SLC4A1: variants seen among roughly 807,000 people sequenced by gnomAD.
SLC4A1 encodes the protein solute carrier family 4 member 1 (Diego blood group), also known as band 3 anion transport protein.
A neutral mutation model predicts 93.1 loss-of-function variants in SLC4A1; 29 were observed. The observed-to-expected ratio is 0.31, with a 90% confidence interval of 0.23 to 0.42. The LOEUF is 0.42. SLC4A1 is among the 20% of genes least tolerant of loss of function. The probability of loss-of-function intolerance (pLI) is 1.00; values close to 1 mark genes in which losing one functional copy is unlikely to be tolerated. For missense variants in SLC4A1, 965 were observed against 1,190.1 expected, an observed-to-expected ratio of 0.81 and a Z score of 2.78; for synonymous variants, 469 against 497.2, an observed-to-expected ratio of 0.94 and a Z score of 0.76.
chr17:44,252,687 A>C (rs984496055), intron 17 of SLC4A1, among the ~76,000 whole-genome samples: 2 of 152,186 alleles, frequency 1.3e-5, no homozygotes, highest in Non-Finnish European at 2.9e-5. Context: ...CTATGGCTAG[A>C]GCACCGCCCC....
rs771281363 is a variant in SLC4A1, at chr17:44,260,692, G to A, written c.292C>T (p.His98Tyr). 4 of 1,614,162 alleles carry A rather than the reference G, an allele frequency of 2.5e-6. No individual in the cohort carries two copies. The South Asian group carries it at 4.4e-5, about 18-fold the overall frequency. Residue 98 changes from histidine (H) to tyrosine (Y), a missense_variant, in exon 5 of 20, where the codon CAC becomes TAC. Physicochemically the swap from His to Tyr is moderately conservative, Grantham distance 83 (BLOSUM62 2). This residue lies in a region of SLC4A1 where 195 missense variants were observed against 183.5 expected (regional missense o/e 1.06). Coordinates refer to ENST00000262418, the MANE Select transcript of SLC4A1 (RefSeq NM_000342.4). ...LGENGAWGRP[H>Y]LSHLTFWSLL... ...CTCCAGAAGGTGAGGTGAGAGAGGT[G>A]CGGGCGGCCCCAGGCCCCATTCTCC...
rs2047385206 is a variant in SLC4A1, at chr17:44,255,923, C to T, written c.1627-77G>A. On this transcript the variant is annotated intron_variant, in intron 13 of 19. Transcript: ENST00000262418. The stretch of plus-strand genomic sequence containing the variant: ...GGAAAATACCACCAGCTAACTCTAC[C>T]CAGCACTACTATCCATTCATCCAGT... 9 of 1,309,714 alleles carry T rather than the reference C, an allele frequency of 6.9e-6. No individual in the cohort carries two copies. The South Asian group carries it at 8.3e-5, about 12-fold the overall frequency. The allele number at this position is 1,309,714 out of a possible 1,614,324, so 81.1% of individuals were successfully genotyped here.
chr17:44,264,430 C>G (rs547592423), intron 1 of SLC4A1, among the ~76,000 whole-genome samples: 25 of 152,240 alleles, frequency 1.6e-4, no homozygotes, highest in African/African-American at 6.0e-4. Context: ...TGCACTCCAG[C>G]CTGGGTGACA....
At chr17:44,254,461 A>ACCCACCCCCGCCCCCCC in intron 16 of SLC4A1, 35 bp downstream of exon 16, 1 of 654,148 alleles carries the variant, frequency 1.5e-6, no homozygotes, top group Non-Finnish European at 2.8e-6. Flanking sequence ...CCTGCCTCCC[A>ACCCACCCCCGCCCCCCC]CCCTCCCAGG....
In SLC4A1 at chr17:44,250,363, T is replaced by A; in HGVS notation, c.*95A>T. On this transcript the variant is annotated 3_prime_UTR_variant, in exon 20 of 20. Transcript: ENST00000262418. ...GGCCTCAGCTGCTGCTCCAGGAGGA[T>A]CCTGGAGTCCATGAGGTGCCCATGA... The A allele has an allele frequency of 9.7e-7, 1 of 1,029,352 alleles. No individual in the cohort carries two copies. Among genetic ancestry groups the A allele is most frequent in the Non-Finnish European group, 1.5e-6 (1 of 657,732 alleles). 63.8% of individuals were successfully genotyped at this position (1,029,352 alleles called of 1,614,324 possible). A position where few individuals can be genotyped will look rare whatever the true frequency, so the allele number is the denominator to read the frequency against.
chr17:44,257,824 C>T lies in SLC4A1; in HGVS notation c.1283-17G>A, dbSNP rs1472321250. On this transcript the variant is annotated splice_polypyrimidine_tract_variant and intron_variant, in intron 11 of 19. Coordinates refer to ENST00000262418, the MANE Select transcript of SLC4A1 (RefSeq NM_000342.4). Reference sequence around the variant, plus strand: ...TCTTTTCTCCTGTGGGTAGAGGTCACAGTGGGATCAAGGTCAGGAGATCAT... The same window carrying T: ...TCTTTTCTCCTGTGGGTAGAGGTCATAGTGGGATCAAGGTCAGGAGATCAT... 3 of 1,613,322 alleles carry T rather than the reference C, an allele frequency of 1.9e-6. No homozygotes were observed. The highest frequency in any genetic ancestry group is 1.7e-6 in the Non-Finnish European group (2 of 1,180,010).
intron 12 of SLC4A1, 35 bp downstream of exon 12, chr17:44,257,624 A>G: frequency 6.2e-7 from 1 of 1,613,392 alleles, no homozygotes. Context: ...GGTGCGGGGG[A>G]CATGACAGGG....
chr17:44,262,528 G>T, intron 3 of SLC4A1, 108 bp downstream of exon 3: 4 of 788,692 alleles, frequency 5.1e-6, no homozygotes, highest in Non-Finnish European at 8.5e-6. Context: ...AGAACGGCCC[G>T]TGGTGCTTGG....
chr17:44,263,913 G>A lies in SLC4A1; in HGVS notation c.-68-979C>T, dbSNP rs565996263. 6.2e-4 allele frequency among the ~76,000 whole-genome samples: 94 copies of A among 151,974 alleles called. 1 individual carries two copies. Among genetic ancestry groups the A allele is most frequent in the South Asian group, 5.0e-3 (24 of 4,806 alleles). ...GCCTCCTGAGTAACTGGAATTATAG[G>A]CATGCCACAGTGCCCAGGTAATTAA... On this transcript the variant is annotated intron_variant, in intron 1 of 19. Coordinates refer to ENST00000262418, the MANE Select transcript of SLC4A1 (RefSeq NM_000342.4).
intron 4 of SLC4A1, 143 bp from the exon 5 acceptor site, chr17:44,260,958 T>A: frequency 1.1e-6 from 1 of 936,568 alleles, no homozygotes; most frequent in Non-Finnish European, 1.7e-6. Context: ...CACCACTCCC[T>A]TATCTCCCAA....
Position 44,248,849 on chromosome 17 carries a change from G to GTTTTTT in SLC4A1, c.*1603_*1608dup, listed in dbSNP as rs57466226. The GTTTTTT allele has an allele frequency of 5.9e-3, 421 of 71,770 alleles. 98 individuals are homozygous for GTTTTTT. Among genetic ancestry groups the GTTTTTT allele is most frequent in the Non-Finnish European group, 7.2e-3 (308 of 42,544 alleles). The allele number at this position is 71,770 out of a possible 1,614,324, so 4.4% of individuals were successfully genotyped here. ...GCCCCCAAGGCTGATGTTTCCTTCC[G>GTTTTTT]TTTTTTTTTTTTTTTTTTTTTTTTT... On this transcript the variant is annotated 3_prime_UTR_variant, in exon 20 of 20. Transcript: ENST00000262418.
At chr17:44,253,080 CAGG>C (rs1353411235) in intron 17 of SLC4A1, 35 bp downstream of exon 17, 1 of 1,601,924 alleles carries the variant, frequency 6.2e-7, no homozygotes, top group African/African-American at 1.3e-5. Flanking sequence ...GGGTGAGGGG[CAGG>C]AGGATGGTGA....
rs1425090317 is a variant in SLC4A1, at chr17:44,257,739, A to G, written c.1351T>C (p.Phe451Leu). 6.2e-7 allele frequency: 1 copy of G among 1,613,994 alleles called. No individual in the cohort carries two copies. Among genetic ancestry groups the G allele is most frequent in the Middle Eastern group, 1.7e-4 (1 of 6,060 alleles). Residue 451 changes from phenylalanine (F) to leucine (L), a missense_variant, in exon 12 of 20, where the codon TTC (phenylalanine) becomes CTC (leucine). By Grantham distance (22) the Phe-to-Leu change is conservative. Around this residue, in one of 2 missense-constraint regions of SLC4A1, gnomAD observed 770 missense variants for 1,006.6 expected, o/e 0.76. Transcript: ENST00000262418. ...AGGGGCTGAGCCCCCAGCAGGGCGA[A>G]GAGAATGCCCTGCACTGCAGTGGAG... ...LISTAVQGIL[F>L]ALLGAQPLLV... is the part of the protein sequence containing the mutation.
rs2047413407 is a variant in SLC4A1, at chr17:44,258,693, G to A, written c.877-70C>T. 2.7e-6 allele frequency: 4 copies of A among 1,464,240 alleles called. No homozygotes were observed. In the Admixed American group the frequency reaches 7.9e-5, roughly 29 times the overall value. The allele number at this position is 1,464,240 out of a possible 1,614,324, so 90.7% of individuals were successfully genotyped here. ...GAAAGGACCCAGGAGTCCACAGCCA[G>A]GGCCTCCAGGAACCAGAACCCCCTC... On this transcript the variant is annotated intron_variant, in intron 9 of 19. Transcript: ENST00000262418. The surrounding 1 kb of genome is among the most constrained non-coding windows in gnomAD (Gnocchi z 6.1).
Position 44,262,731 on chromosome 17 carries a change from G to C in SLC4A1, c.16-5C>G, listed in dbSNP as rs755947595. The C allele has an allele frequency of 1.2e-6, 2 of 1,613,860 alleles. No homozygotes were observed. Among genetic ancestry groups the C allele is most frequent in the Non-Finnish European group, 1.7e-6 (2 of 1,179,720 alleles). On this transcript the variant is annotated splice_region_variant and splice_polypyrimidine_tract_variant and intron_variant, in intron 2 of 19. Coordinates refer to ENST00000262418, the MANE Select transcript of SLC4A1 (RefSeq NM_000342.4). Reference sequence around the variant, plus strand: ...CATCATGTCTTCATAATCATCCTGTGGGAAGTGGCCGCTGAGGCTGGGCTG... The same window carrying C: ...CATCATGTCTTCATAATCATCCTGTCGGAAGTGGCCGCTGAGGCTGGGCTG...
In SLC4A1 at chr17:44,260,490, G is replaced by C; in HGVS notation, c.399C>G (p.Asn133Lys). ...LQETSLAGVA[N>K]QLLDRFIFED... ...CAAAGATAAACCTGTCTAGCAGTTGGTTGGCCACTCCAGCCAGGGAGGTCT... is the reference window on the plus strand; with the variant it reads ...CAAAGATAAACCTGTCTAGCAGTTGCTTGGCCACTCCAGCCAGGGAGGTCT... Residue 133 changes from asparagine to lysine, a missense_variant, in exon 6 of 20, where the codon AAC becomes AAG. Physicochemically the swap from Asn to Lys is moderately conservative, Grantham distance 94. Transcript: ENST00000262418. 1 of 1,614,220 alleles carries C rather than the reference G, an allele frequency of 6.2e-7. No homozygotes were observed. Among genetic ancestry groups the C allele is most frequent in the Non-Finnish European group, 8.5e-7 (1 of 1,180,024 alleles).
chr17:44,253,484 C>T (rs565272241), intron 16 of SLC4A1, 113 bp from the exon 17 acceptor site: 9 of 1,382,290 alleles, frequency 6.5e-6, no homozygotes, highest in Middle Eastern at 5.2e-4. Context: ...CTGTGCCCCT[C>T]GCTCTTTGAG....
At chr17:44,260,205 G>A (rs1445704732) in intron 6 of SLC4A1, among the ~76,000 whole-genome samples, 199 bp downstream of exon 6, 1 of 152,180 alleles carries the variant, frequency 6.6e-6, no homozygotes, top group African/African-American at 2.4e-5. Context: ...GCCCTCCTGG[G>A]GACCAACAGC....
At chr17:44,257,247 C>T in intron 13 of SLC4A1, 103 bp downstream of exon 13, 2 of 1,156,740 alleles carry the variant, frequency 1.7e-6, no homozygotes, top group Non-Finnish European at 2.6e-6. Flanking sequence ...CTGCCTCGGC[C>T]TCCCAAAGTT....
Sources: allele counts gnomAD v4.1 joint callset (sites outside exome capture counted in the v4.1 genomes callset), GRCh38; gene constraint gnomAD v4.1.1; regional missense constraint gnomAD v4.1.1; non-coding constraint Gnocchi (gnomAD v3.1); transcripts MANE v1.5; gene names NCBI Gene and HGNC (gene_info 2026-07-23, HGNC 2026-07-21).